The following OPCML variants were observed in gnomAD, a reference collection of about 807,000 sequenced individuals.
The protein encoded by OPCML is opioid-binding protein/cell adhesion molecule.
In OPCML, 13 loss-of-function variants were observed where a neutral mutation model predicts 37.8. The ratio of observed to expected loss-of-function variants is 0.34; its 90% CI spans 0.22 to 0.55. OPCML has a LOEUF of 0.55. Ranked by LOEUF, OPCML falls within the 20% of genes least tolerant of loss-of-function variation. The pLI, the probability that OPCML is intolerant of heterozygous loss-of-function variation, is 0.91. For synonymous variants in OPCML, 176 were observed against 168.8 expected (o/e 1.04, Z -0.33); for missense variants, 341 against 435.6 (o/e 0.78, Z 1.93).
chr11:132,586,341 T>G (rs894787430), intron 3 of OPCML, among the ~76,000 whole-genome samples: 1 of 152,218 alleles, frequency 6.6e-6, no homozygotes, highest in Non-Finnish European at 1.5e-5. Flanking sequence ...GAAATTTTTC[T>G]TTCTCCTACA....
intron 1 of OPCML, among the ~76,000 whole-genome samples, chr11:133,295,993 G>A (rs1942619717): frequency 6.6e-6 from 1 of 151,962 alleles, no homozygotes; most frequent in Non-Finnish European, 1.5e-5. Flanking sequence ...ATCTATTTTT[G>A]GTCTATATGA....
intron 2 of OPCML, among the ~76,000 whole-genome samples, chr11:132,881,910 A>C (rs542748929): frequency 1.3e-5 from 2 of 152,334 alleles, no homozygotes; most frequent in South Asian, 2.1e-4. Context: ...TTTAGCATAC[A>C]TTTGCATTCT....
chr11:133,462,106 G>A (rs1057320967), intron 1 of OPCML, among the ~76,000 whole-genome samples: 8 of 151,794 alleles, frequency 5.3e-5, no homozygotes, highest in Admixed American at 6.6e-5. Context: ...CCTTAATTTA[G>A]CCCATATACA....
At chr11:133,209,745 G>A (rs1592107067) in intron 1 of OPCML, among the ~76,000 whole-genome samples, 1 of 152,270 alleles carries the variant, frequency 6.6e-6, no homozygotes, top group African/African-American at 2.4e-5. Flanking sequence ...ATAAACTAGA[G>A]ATATCTAAAA....
chr11:132,689,067 T>A (rs1943298295), intron 2 of OPCML, among the ~76,000 whole-genome samples: 1 of 152,078 alleles, frequency 6.6e-6, no homozygotes, highest in South Asian at 2.1e-4. Context: ...CTGAGCTGCC[T>A]GCCCTGAGGA....
chr11:133,220,988 A>G (rs1939794248), intron 1 of OPCML, among the ~76,000 whole-genome samples: 2 of 152,222 alleles, frequency 1.3e-5, no homozygotes, highest in Non-Finnish European at 2.9e-5. Flanking sequence ...TTTGTCGGAA[A>G]TGAAAATCTA....
intron 3 of OPCML, among the ~76,000 whole-genome samples, chr11:132,553,444 G>T (rs74634373): frequency 2.0e-5 from 3 of 152,132 alleles, no homozygotes; most frequent in Admixed American, 2.0e-4. Flanking sequence ...CCAGTGTACC[G>T]ACAAGTGACC....
At chr11:132,428,554 G>A (rs1387505570) in intron 7 of OPCML, among the ~76,000 whole-genome samples, 2 of 152,190 alleles carry the variant, frequency 1.3e-5, no homozygotes. Flanking sequence ...AGTCCAGAAA[G>A]TATGCACTCA....
At chr11:132,812,044 A>C (rs1939376925) in intron 2 of OPCML, among the ~76,000 whole-genome samples, 3 of 152,134 alleles carry the variant, frequency 2.0e-5, no homozygotes, top group African/African-American at 7.2e-5. Context: ...GACAGTCTGG[A>C]TCCCCCAGCA....
chr11:132,462,264 A>G (rs2096104973), intron 4 of OPCML, among the ~76,000 whole-genome samples: 1 of 152,134 alleles, frequency 6.6e-6, no homozygotes, highest in South Asian at 2.1e-4. Context: ...TGAAGTATTC[A>G]GTGTTCTGTG....
chr11:132,851,736 TAGAAG>T (rs1415755507), intron 2 of OPCML, among the ~76,000 whole-genome samples: 2 of 152,210 alleles, frequency 1.3e-5, no homozygotes, highest in African/African-American at 4.8e-5. Context: ...CCCCAATTTA[TAGAAG>T]AGAAGACTGA....
At chr11:132,920,957 TAAG>T (rs1331711510) in intron 2 of OPCML, among the ~76,000 whole-genome samples, 1 of 152,164 alleles carries the variant, frequency 6.6e-6, no homozygotes, top group Non-Finnish European at 1.5e-5. Flanking sequence ...CGGCTTGATT[TAAG>T]AAGTTTTCCT....
At chr11:132,702,916 T>C (rs1943885592) in intron 2 of OPCML, among the ~76,000 whole-genome samples, 1 of 152,188 alleles carries the variant, frequency 6.6e-6, no homozygotes, top group Non-Finnish European at 1.5e-5. Flanking sequence ...TTAATGGCTC[T>C]CATCTTTTTG....
Position 132,597,926 on chromosome 11 carries a change from T to C in OPCML, c.379+59161A>G, listed in dbSNP as rs2096494983. On this transcript the variant is annotated intron_variant, in intron 3 of 7. Coordinates refer to ENST00000524381, the MANE Select transcript of OPCML (RefSeq NM_001012393.5). The stretch of plus-strand genomic sequence containing the variant: ...TCCACACATTTGACGTGAATTTTCC[T>C]TAATGTGCTAAGCCTCTACCTGGAA... 2.0e-5 allele frequency among the ~76,000 whole-genome samples: 3 copies of C among 152,312 alleles called. 1 individual carries two copies. In the South Asian group the frequency reaches 6.2e-4, roughly 32 times the overall value.
chr11:133,201,498 T>C (rs948967879), intron 1 of OPCML, among the ~76,000 whole-genome samples: 3 of 152,162 alleles, frequency 2.0e-5, no homozygotes, highest in African/African-American at 7.2e-5. Context: ...TGAGATAAAT[T>C]GGGGAGCCAT....
chr11:133,306,901 A>C (rs1942933282), intron 1 of OPCML, among the ~76,000 whole-genome samples: 1 of 152,198 alleles, frequency 6.6e-6, no homozygotes, highest in Non-Finnish European at 1.5e-5. Flanking sequence ...CTGGCCATGT[A>C]ATAGGTATCA....
At chr11:133,278,681 A>T (rs763351871) in intron 1 of OPCML, among the ~76,000 whole-genome samples, 2 of 152,124 alleles carry the variant, frequency 1.3e-5, no homozygotes, top group Non-Finnish European at 2.9e-5. Context: ...CTAAAGATTC[A>T]AGCTATATTC....
At chr11:133,139,015 A>G (rs1949731712) in intron 1 of OPCML, among the ~76,000 whole-genome samples, 1 of 152,218 alleles carries the variant, frequency 6.6e-6, no homozygotes, top group African/African-American at 2.4e-5. Context: ...ATTAGAACAG[A>G]GTGTATTTCA....
chr11:132,763,103 G>A lies in OPCML; in HGVS notation c.147-105784C>T, dbSNP rs555913747. On this transcript the variant is annotated intron_variant, in intron 2 of 7. Coordinates refer to ENST00000524381, the MANE Select transcript of OPCML (RefSeq NM_001012393.5). ...AACCCTTGTGCTTCCCGGGTGAGGC[G>A]ACACCCTACCCTGCTTCTGCTCACC... Among the ~76,000 whole-genome samples, 13 of 152,120 alleles carry A rather than the reference G, an allele frequency of 8.5e-5. No individual in the cohort carries two copies. The South Asian group carries it at 1.0e-3, about 12-fold the overall frequency.
Sources: allele counts gnomAD v4.1 joint callset (sites outside exome capture counted in the v4.1 genomes callset), GRCh38; gene constraint gnomAD v4.1.1; transcripts MANE v1.5; gene names NCBI Gene and HGNC (gene_info 2026-07-23, HGNC 2026-07-21).